ALCAM: variants seen among roughly 807,000 people sequenced by gnomAD.
ALCAM encodes activated leukocyte cell adhesion molecule.
Under a neutral mutation model 70.9 loss-of-function variants are expected in ALCAM, and 30 were observed. That is an observed-to-expected ratio of 0.42 (90% CI 0.32 to 0.57). ALCAM has a LOEUF of 0.57. Among genes scored for constraint, ALCAM ranks in the 20% least tolerant of loss-of-function variants. The probability of loss-of-function intolerance (pLI) is 0.11; values close to 1 mark genes in which losing one functional copy is unlikely to be tolerated. For missense variants in ALCAM, 591 were observed against 695.1 expected (o/e 0.85, Z 1.68); for synonymous variants, 249 against 242.5 (o/e 1.03, Z -0.25).
intron 1 of ALCAM, among the ~76,000 whole-genome samples, chr3:105,433,025 C>T (rs572775558): frequency 5.1e-4 from 77 of 152,136 alleles, no homozygotes; most frequent in African/African-American, 1.8e-3. Context: ...TAAGAAGTGG[C>T]CATATAGGAA....
chr3:105,461,837 C>T (rs1937608995), intron 1 of ALCAM, among the ~76,000 whole-genome samples: 1 of 151,702 alleles, frequency 6.6e-6, no homozygotes, highest in African/African-American at 2.4e-5. Context: ...TGAGCACCTA[C>T]TGTGTGCCAA....
At chr3:105,539,003 C>T (rs1284687787) in intron 6 of ALCAM, among the ~76,000 whole-genome samples, 2 of 152,006 alleles carry the variant, frequency 1.3e-5, no homozygotes, top group Non-Finnish European at 2.9e-5. Context: ...GTATAACTTA[C>T]TCATTTCACT....
chr3:105,440,639 G>A (rs1048878551), intron 1 of ALCAM, among the ~76,000 whole-genome samples: 7 of 152,202 alleles, frequency 4.6e-5, no homozygotes, highest in Non-Finnish European at 5.9e-5. Flanking sequence ...ACCTCTTATC[G>A]CCCACATGCC....
intron 1 of ALCAM, among the ~76,000 whole-genome samples, chr3:105,495,752 A>T (rs938487737): frequency 1.3e-5 from 2 of 152,250 alleles, no homozygotes; most frequent in Admixed American, 1.3e-4. Flanking sequence ...CAAATTAATG[A>T]TTAAAGAAGA....
intron 1 of ALCAM, among the ~76,000 whole-genome samples, chr3:105,429,191 T>C (rs1376789527): frequency 6.6e-6 from 1 of 152,032 alleles, no homozygotes; most frequent in Non-Finnish European, 1.5e-5. Context: ...GTCATCCTTC[T>C]TTTGGTTGCC....
At chr3:105,474,528 C>A (rs147195084) in intron 1 of ALCAM, among the ~76,000 whole-genome samples, 15 of 151,290 alleles carry the variant, frequency 9.9e-5, no homozygotes, top group African/African-American at 3.6e-4. Context: ...CATTATTGGT[C>A]TAATTTGCTA....
chr3:105,537,930 TCAG>T (rs1940014040), intron 6 of ALCAM, among the ~76,000 whole-genome samples: 1 of 152,110 alleles, frequency 6.6e-6, no homozygotes, highest in Non-Finnish European at 1.5e-5. Flanking sequence ...AAAGAAAATT[TCAG>T]CAGACAGTTT....
intron 14 of ALCAM, among the ~76,000 whole-genome samples, chr3:105,559,299 A>ATT (rs1392959924): frequency 8.0e-6 from 1 of 124,644 alleles, no homozygotes; most frequent in African/African-American, 3.1e-5. Context: ...ATATACATAT[A>ATT]TTATATATAT....
At chr3:105,390,132 T>C (rs1191093365) in intron 1 of ALCAM, among the ~76,000 whole-genome samples, 1 of 152,032 alleles carries the variant, frequency 6.6e-6, no homozygotes, top group African/African-American at 2.4e-5. Flanking sequence ...CAAATGGTAT[T>C]TATGGTTCTA....
intron 14 of ALCAM, among the ~76,000 whole-genome samples, chr3:105,569,284 G>C (rs1386637638): frequency 1.3e-5 from 2 of 151,990 alleles, no homozygotes; most frequent in Non-Finnish European, 2.9e-5. Flanking sequence ...AAAAAAATTA[G>C]AGGACTGAGA....
intron 14 of ALCAM, among the ~76,000 whole-genome samples, chr3:105,557,068 C>T (rs150068787): frequency 1.8e-3 from 279 of 152,012 alleles, no homozygotes; most frequent in Non-Finnish European, 3.3e-3. Flanking sequence ...TATTTTGCTG[C>T]CTTACCAGGC....
At chr3:105,553,169 A>G (rs905766847) in intron 14 of ALCAM, 3 of 863,150 alleles carry the variant, frequency 3.5e-6, no homozygotes, top group Non-Finnish European at 4.2e-6. Flanking sequence ...TAGAGATGTT[A>G]AACATTATTA....
At position 105,367,181 on chromosome 3, in the gene ALCAM, G is replaced by C. The variant is rs936308707; in HGVS notation, c.-228G>C. The C allele has an allele frequency of 3.6e-6, 2 of 555,522 alleles. No individual in the cohort carries two copies. The highest frequency in any genetic ancestry group is 1.9e-5 in the African/African-American group (1 of 52,426). 34.4% of individuals were successfully genotyped at this position (555,522 alleles called of 1,614,324 possible). Reference sequence around the variant, plus strand: ...CGGAGGAGCAGCCGAAGGGCCCGTGGGCTGGTGTTGACCGGGAGGGAGGAG... The same window carrying C: ...CGGAGGAGCAGCCGAAGGGCCCGTGCGCTGGTGTTGACCGGGAGGGAGGAG... On this transcript the variant is annotated 5_prime_UTR_variant, in exon 1 of 16. Coordinates refer to ENST00000306107, the MANE Select transcript of ALCAM (RefSeq NM_001627.4).
intron 1 of ALCAM, among the ~76,000 whole-genome samples, chr3:105,443,414 T>G (rs1937222161): frequency 6.6e-6 from 1 of 152,162 alleles, no homozygotes; most frequent in Admixed American, 6.5e-5. Context: ...TGAAGTATAT[T>G]ATGCACGCGA....
intron 1 of ALCAM, among the ~76,000 whole-genome samples, chr3:105,495,785 A>G (rs530318333): frequency 6.6e-6 from 1 of 152,342 alleles, no homozygotes; most frequent in South Asian, 2.1e-4. Context: ...TTCTACCTAA[A>G]AAGTAAAAGA....
chr3:105,532,173 G>C, intron 4 of ALCAM, 107 bp downstream of exon 4: 1 of 943,910 alleles, frequency 1.1e-6, no homozygotes, highest in Non-Finnish European at 1.7e-6. Context: ...TTGTGGAGAT[G>C]ACAGTGTTGC....
intron 1 of ALCAM, among the ~76,000 whole-genome samples, chr3:105,473,346 A>G (rs563968700): frequency 3.1e-4 from 47 of 151,656 alleles, no homozygotes; most frequent in South Asian, 2.3e-3. Flanking sequence ...TGATGTTACA[A>G]GAAAATACCT....
chr3:105,383,579 C>T (rs1273665531), intron 1 of ALCAM, among the ~76,000 whole-genome samples: 1 of 151,664 alleles, frequency 6.6e-6, no homozygotes, highest in East Asian at 1.9e-4. Flanking sequence ...GAGGGAATGA[C>T]AACTCTCCTA....
chr3:105,471,639 G>A (rs1370888), intron 1 of ALCAM, among the ~76,000 whole-genome samples: 145,002 of 151,292 alleles, frequency 0.96, 69,757 homozygotes, highest in East Asian at 1. Flanking sequence ...CATGAAAAAC[G>A]ACTTTTTGGT....
Sources: allele counts gnomAD v4.1 joint callset (sites outside exome capture counted in the v4.1 genomes callset), GRCh38; gene constraint gnomAD v4.1.1; transcripts MANE v1.5; gene names NCBI Gene and HGNC (gene_info 2026-07-23, HGNC 2026-07-21).